Variants in CNTN4 observed in about 807,000 individuals in gnomAD.
CNTN4 encodes contactin 4, also known as contactin-4.
In CNTN4, 77 loss-of-function variants were observed where a neutral mutation model predicts 122.5. That is an observed-to-expected ratio of 0.63 (90% CI 0.52 to 0.76). The LOEUF is 0.76. Ranked by LOEUF, CNTN4 falls within the 30% of genes least tolerant of loss-of-function variation. CNTN4 has a pLI of 0.00. For synonymous variants in CNTN4, 512 were observed against 447.0 expected (o/e 1.15, Z -1.83); for missense variants, 1,256 against 1,259.1 (o/e 1.00, Z 0.04).
chr3:2,296,626 A>G (rs2042321680), intron 2 of CNTN4, among the ~76,000 whole-genome samples: 1 of 152,106 alleles, frequency 6.6e-6, no homozygotes, highest in African/African-American at 2.4e-5. Context: ...AATGTTACCA[A>G]CCCACCATGA....
rs1394944588 is a variant in CNTN4, at chr3:3,056,899, A to C, written c.*679A>C. 6.5e-6 allele frequency: 1 copy of C among 152,748 alleles called. No homozygotes were observed. Among genetic ancestry groups the C allele is most frequent in the African/African-American group, 2.4e-5 (1 of 41,464 alleles). The allele number at this position is 152,748 out of a possible 1,614,324, so 9.5% of individuals were successfully genotyped here. A position where few individuals can be genotyped will look rare whatever the true frequency, so the allele number is the denominator to read the frequency against. On this transcript the variant is annotated 3_prime_UTR_variant, in exon 25 of 25. Coordinates refer to ENST00000418658, the MANE Select transcript of CNTN4 (RefSeq NM_175607.3). Reference sequence around the variant, plus strand: ...GGAATGGCTGCAATCTCAAAAGCTCAATGTACTGCCCAAGAGGCACCTTGT... The same window carrying C: ...GGAATGGCTGCAATCTCAAAAGCTCCATGTACTGCCCAAGAGGCACCTTGT...
chr3:2,566,005 C>T (rs1022941636), intron 3 of CNTN4, among the ~76,000 whole-genome samples: 8 of 152,230 alleles, frequency 5.3e-5, no homozygotes, highest in Non-Finnish European at 8.8e-5. Context: ...GTTATGCTAT[C>T]ACAAAAGACT....
chr3:2,118,564 T>C (rs1482996587), intron 2 of CNTN4, among the ~76,000 whole-genome samples: 1 of 152,258 alleles, frequency 6.6e-6, no homozygotes, highest in Admixed American at 6.5e-5. Flanking sequence ...AATTTGTGCA[T>C]GTAAGTTATA....
At chr3:2,803,993 A>AT (rs2092406569) in intron 6 of CNTN4, among the ~76,000 whole-genome samples, 1 of 151,910 alleles carries the variant, frequency 6.6e-6, no homozygotes, top group South Asian at 2.1e-4. Context: ...GTACAATTCC[A>AT]TTTTTATGAA....
chr3:2,116,467 C>T (rs1372394718), intron 2 of CNTN4, among the ~76,000 whole-genome samples: 1 of 152,096 alleles, frequency 6.6e-6, no homozygotes, highest in African/African-American at 2.4e-5. Context: ...CAGCCCCACG[C>T]TAGGTAATAC....
intron 3 of CNTN4, among the ~76,000 whole-genome samples, chr3:2,467,305 G>T (rs1241445327): frequency 6.6e-6 from 1 of 152,014 alleles, no homozygotes; most frequent in Non-Finnish European, 1.5e-5. Flanking sequence ...CCTTTCTATA[G>T]TTTGGCCTCT....
chr3:2,301,923 A>C (rs571787417), intron 2 of CNTN4, among the ~76,000 whole-genome samples: 11 of 152,252 alleles, frequency 7.2e-5, no homozygotes, highest in Non-Finnish European at 7.3e-5. Flanking sequence ...AACATCAAGC[A>C]TATAGCCTGA....
At chr3:2,910,793 C>T (rs1278779418) in intron 12 of CNTN4, among the ~76,000 whole-genome samples, 9 of 152,210 alleles carry the variant, frequency 5.9e-5, no homozygotes. Context: ...ATTAATTAGA[C>T]TGACATTCAA....
chr3:2,661,409 A>G (rs2083884958), intron 4 of CNTN4, among the ~76,000 whole-genome samples: 2 of 152,088 alleles, frequency 1.3e-5, no homozygotes, highest in Admixed American at 6.5e-5. Context: ...CAATGTTTAT[A>G]TTAGTCAAGA....
chr3:2,350,349 T>G (rs553948941), intron 3 of CNTN4, among the ~76,000 whole-genome samples: 1 of 152,258 alleles, frequency 6.6e-6, no homozygotes, highest in African/African-American at 2.4e-5. Flanking sequence ...AGCTGCTGAA[T>G]AATCTTCTTA....
chr3:3,011,154 G>C (rs983178358), intron 14 of CNTN4, among the ~76,000 whole-genome samples: 1 of 152,106 alleles, frequency 6.6e-6, no homozygotes, highest in African/African-American at 2.4e-5. Context: ...GAAGACAAGT[G>C]GGGGAAGAAA....
chr3:2,798,785 AC>A (rs1422120726), intron 6 of CNTN4, among the ~76,000 whole-genome samples: 1 of 152,198 alleles, frequency 6.6e-6, no homozygotes, highest in African/African-American at 2.4e-5. Flanking sequence ...TGCTGGGATT[AC>A]AGGTGTTAGC....
At chr3:2,259,377 G>T (rs560881892) in intron 2 of CNTN4, among the ~76,000 whole-genome samples, 20 of 152,294 alleles carry the variant, frequency 1.3e-4, no homozygotes, top group African/African-American at 4.8e-4. Context: ...CATGTTACAT[G>T]ATGGGGAAAC....
intron 4 of CNTN4, among the ~76,000 whole-genome samples, chr3:2,666,949 C>T (rs1241107461): frequency 6.6e-6 from 1 of 152,064 alleles, no homozygotes; most frequent in Non-Finnish European, 1.5e-5. Flanking sequence ...CGTAGTATTC[C>T]ATGGTGTATA....
chr3:2,874,646 A>G (rs1577117640), intron 8 of CNTN4, among the ~76,000 whole-genome samples: 1 of 152,184 alleles, frequency 6.6e-6, no homozygotes, highest in African/African-American at 2.4e-5. Flanking sequence ...GATTCACTTC[A>G]GTTTCAATTT....
At chr3:2,330,892 G>A (rs149481933) in intron 2 of CNTN4, among the ~76,000 whole-genome samples, 2 of 152,290 alleles carry the variant, frequency 1.3e-5, no homozygotes, top group East Asian at 3.9e-4. Flanking sequence ...TAAGGGGCAA[G>A]CACCTCTAGG....
rs190371576 is a variant in CNTN4, at chr3:2,723,810, C to T, written c.56-12405C>T. Among the ~76,000 whole-genome samples, 5 of 152,210 alleles carry T rather than the reference C, an allele frequency of 3.3e-5. No homozygotes were observed. The East Asian group carries it at 7.8e-4, about 24-fold the overall frequency. ...TGCTGGTAATCATAGAGAGCAGTTG[C>T]CGTAGTGTATCATAATGCCAGTAAG... is the stretch of plus-strand genomic sequence containing the variant. On this transcript the variant is annotated intron_variant, in intron 4 of 24. Transcript: ENST00000418658.
At chr3:2,714,883 T>C (rs1257364580) in intron 4 of CNTN4, among the ~76,000 whole-genome samples, 1 of 152,148 alleles carries the variant, frequency 6.6e-6, no homozygotes, top group African/African-American at 2.4e-5. Flanking sequence ...GTTACAGGCA[T>C]GAGGCACCAC....
intron 2 of CNTN4, among the ~76,000 whole-genome samples, chr3:2,333,352 G>T (rs1310716286): frequency 6.6e-6 from 1 of 152,204 alleles, no homozygotes; most frequent in Non-Finnish European, 1.5e-5. Flanking sequence ...GTGTAATACT[G>T]TCATCTCAGG....
Sources: allele counts gnomAD v4.1 joint callset (sites outside exome capture counted in the v4.1 genomes callset), GRCh38; gene constraint gnomAD v4.1.1; transcripts MANE v1.5; gene names NCBI Gene and HGNC (gene_info 2026-07-23, HGNC 2026-07-21).